Variants in SHISA9 observed in about 807,000 individuals in gnomAD.
The protein encoded by SHISA9 is protein shisa-9.
A neutral mutation model predicts 38.0 loss-of-function variants in SHISA9; 13 were observed. That is an observed-to-expected ratio of 0.34 (90% CI 0.22 to 0.54). The LOEUF (loss-of-function observed/expected upper bound fraction) is 0.54, where lower values mean the gene tolerates loss of function less well. Among genes scored for constraint, SHISA9 ranks in the 20% least tolerant of loss-of-function variants. The pLI, the probability that SHISA9 is intolerant of heterozygous loss-of-function variation, is 0.91. For synonymous variants in SHISA9, 275 were observed against 242.0 expected (o/e 1.14, Z -1.27); for missense variants, 538 against 575.8 (o/e 0.93, Z 0.67).
At chr16:12,975,659 G>A (rs1465763982) in intron 2 of SHISA9, among the ~76,000 whole-genome samples, 1 of 148,522 alleles carries the variant, frequency 6.7e-6, no homozygotes, top group African/African-American at 2.5e-5. Context: ...ACGGGGGCGG[G>A]GGGGGTAAGG....
chr16:13,017,521 T>C (rs770452613), intron 2 of SHISA9, among the ~76,000 whole-genome samples: 1 of 152,190 alleles, frequency 6.6e-6, no homozygotes, highest in East Asian at 1.9e-4. Context: ...ATCTGTCTTA[T>C]TGAAAGTCTG....
chr16:12,915,248 G>T (rs2071238917), intron 1 of SHISA9, among the ~76,000 whole-genome samples: 1 of 152,150 alleles, frequency 6.6e-6, no homozygotes, highest in African/African-American at 2.4e-5. Flanking sequence ...ATCTCTTGAG[G>T]CCAGGAGTTT....
chr16:13,130,566 G>A (rs1163482241), intron 2 of SHISA9, among the ~76,000 whole-genome samples: 1 of 152,166 alleles, frequency 6.6e-6, no homozygotes, highest in African/African-American at 2.4e-5. Flanking sequence ...TTTCAGTGTA[G>A]TATATAACAC....
At chr16:13,560,290 T>C in the SHISA9 span, among the ~76,000 whole-genome samples, 1 of 152,210 alleles carries the variant, frequency 6.6e-6, no homozygotes, top group African/African-American at 2.4e-5. Context: ...TGAGATTCAC[T>C]GTAATTAGAC....
chr16:12,915,496 G>A (rs373996020), intron 1 of SHISA9, among the ~76,000 whole-genome samples: 1 of 152,164 alleles, frequency 6.6e-6, no homozygotes, highest in East Asian at 1.9e-4. Context: ...CTGGGGAGTT[G>A]GTGACCATCT....
the SHISA9 span, among the ~76,000 whole-genome samples, chr16:13,476,130 AC>A: frequency 6.6e-6 from 1 of 151,984 alleles, no homozygotes; most frequent in African/African-American, 2.4e-5. Context: ...ATAGAAATTG[AC>A]CCTTCTGGTC....
At chr16:12,945,539 C>T (rs952309708) in intron 2 of SHISA9, among the ~76,000 whole-genome samples, 2 of 152,124 alleles carry the variant, frequency 1.3e-5, no homozygotes, top group Non-Finnish European at 2.9e-5. Flanking sequence ...TAATGCATTT[C>T]TTTCTTGTTC....
intron 1 of SHISA9, chr16:12,908,602 T>C: frequency 1.9e-6 from 3 of 1,551,590 alleles, no homozygotes; most frequent in Non-Finnish European, 2.6e-6. Context: ...CCTTGGCCGC[T>C]AGGCTGCACT....
In SHISA9 at chr16:13,069,678, C is replaced by T. The variant is rs149531090; in HGVS notation, c.692-133716C>T. Among the ~76,000 whole-genome samples, 9 of 151,776 alleles carry T rather than the reference C, an allele frequency of 5.9e-5. No individual in the cohort carries two copies. In the East Asian group the frequency reaches 1.8e-3, roughly 30 times the overall value. ...TGGTGTATGTATGTGTGTGTGTGTA[C>T]CCATACCAGTGAGGGTGCTATGGTC... On this transcript the variant is annotated intron_variant, in intron 2 of 4. Transcript: ENST00000558583.
the SHISA9 span, among the ~76,000 whole-genome samples, chr16:13,428,860 G>T: frequency 6.6e-6 from 1 of 150,536 alleles, no homozygotes; most frequent in African/African-American, 2.5e-5. Flanking sequence ...CCGCCTCCCA[G>T]GTTCAAGTGA....
chr16:13,243,771 T>G (rs541811558), downstream of SHISA9, among the ~76,000 whole-genome samples: 2 of 101,748 alleles, frequency 2.0e-5, no homozygotes, highest in East Asian at 2.9e-4. Context: ...ACAGCAGCGT[T>G]TTTTTTTTTT....
chr16:13,106,286 G>C (rs148500849), intron 2 of SHISA9, among the ~76,000 whole-genome samples: 3 of 152,230 alleles, frequency 2.0e-5, no homozygotes, highest in African/African-American at 7.2e-5. Context: ...CTTTTCATCT[G>C]TGTATCTTCT....
chr16:12,995,972 G>T (rs973787363), intron 2 of SHISA9, among the ~76,000 whole-genome samples: 1 of 152,142 alleles, frequency 6.6e-6, no homozygotes, highest in Non-Finnish European at 1.5e-5. Flanking sequence ...CCCTGGTAAT[G>T]CTTGTTGCAT....
chr16:13,469,105 G>T, the SHISA9 span, among the ~76,000 whole-genome samples: 1 of 151,264 alleles, frequency 6.6e-6, no homozygotes, highest in Non-Finnish European at 1.5e-5. Context: ...AGCCAGGCGT[G>T]ATGGTGGGTG....
the SHISA9 span, chr16:13,562,915 A>G: frequency 6.6e-6 from 1 of 152,212 alleles, no homozygotes; most frequent in Non-Finnish European, 1.5e-5. Flanking sequence ...AATTAAAAAA[A>G]AAAAGCTGTA....
At chr16:13,445,244 C>T in the SHISA9 span, among the ~76,000 whole-genome samples, 1 of 152,034 alleles carries the variant, frequency 6.6e-6, no homozygotes, top group East Asian at 1.9e-4. Flanking sequence ...TTTGTCAAGG[C>T]ACCCACAGAG....
At chr16:13,501,198 A>T in the SHISA9 span, among the ~76,000 whole-genome samples, 1 of 152,186 alleles carries the variant, frequency 6.6e-6, no homozygotes, top group Non-Finnish European at 1.5e-5. Context: ...AATTGAGGGT[A>T]GGGGGAAGTG....
the SHISA9 span, among the ~76,000 whole-genome samples, chr16:13,409,176 G>A: frequency 5.3e-5 from 8 of 152,186 alleles, no homozygotes; most frequent in South Asian, 4.2e-4. Flanking sequence ...GAGTTCGGCC[G>A]CTAGATGGCC....
intron 2 of SHISA9, among the ~76,000 whole-genome samples, chr16:13,172,261 G>A (rs2050692929): frequency 6.6e-6 from 1 of 152,182 alleles, no homozygotes; most frequent in Admixed American, 6.5e-5. Flanking sequence ...CTTTATGCTT[G>A]GTTTTGCAGA....
Sources: gnomAD v4.1 joint callset for allele counts (sites outside exome capture counted in the v4.1 genomes callset) on GRCh38, gnomAD v4.1.1 for gene constraint, MANE v1.5 for transcripts, NCBI Gene and HGNC (gene_info 2026-07-23, HGNC 2026-07-21) for gene names.